CPNE8: variants seen among roughly 807,000 people sequenced by gnomAD.
CPNE8 encodes the protein copine-8.
Under a neutral mutation model 81.5 loss-of-function variants are expected in CPNE8, and 45 were observed. That is an observed-to-expected ratio of 0.55 (90% CI 0.44 to 0.71). CPNE8 has a LOEUF of 0.71. Among genes scored for constraint, CPNE8 ranks in the 30% least tolerant of loss-of-function variants. CPNE8 has a pLI of 0.00. For synonymous variants in CPNE8, 252 were observed against 226.3 expected (o/e 1.11, Z -1.02); for missense variants, 594 against 672.1 (o/e 0.88, Z 1.28).
At chr12:38,664,264 A>G (rs888858965) in intron 19 of CPNE8, among the ~76,000 whole-genome samples, 1 of 152,098 alleles carries the variant, frequency 6.6e-6, no homozygotes, top group Non-Finnish European at 1.5e-5. Context: ...ATAATAAAAT[A>G]AAAAGGATAA....
At chr12:38,833,029 T>G (rs1943314957) in intron 5 of CPNE8, among the ~76,000 whole-genome samples, 1 of 150,018 alleles carries the variant, frequency 6.7e-6, no homozygotes, top group Non-Finnish European at 1.5e-5. Flanking sequence ...TACATTTCTT[T>G]TCCCTCAGCA....
chr12:38,878,613 C>T (rs1565659413), intron 1 of CPNE8, among the ~76,000 whole-genome samples: 1 of 152,138 alleles, frequency 6.6e-6, no homozygotes, highest in African/African-American at 2.4e-5. Context: ...TACTGAGTAG[C>T]CAATATGAAT....
At chr12:38,808,613 GGA>G (rs1285441133) in intron 6 of CPNE8, among the ~76,000 whole-genome samples, 2 of 106,950 alleles carry the variant, frequency 1.9e-5, no homozygotes, top group African/African-American at 7.3e-5. Context: ...TGGGGTGGGG[GGA>G]GGGGGGAGGG....
Position 38,900,545 on chromosome 12 carries a change from C to A in CPNE8, c.98+4892G>T, listed in dbSNP as rs191959654. Among the ~76,000 whole-genome samples the A allele has an allele frequency of 1.2e-4, 18 of 152,264 alleles. No individual in the cohort carries two copies. The East Asian group carries it at 3.5e-3, about 29-fold the overall frequency. Reference sequence around the variant, plus strand: ...TGGTAATATACCTATGACACTGGCACACCTCAGCTACTTTGGGACTAATCC... The same window carrying A: ...TGGTAATATACCTATGACACTGGCAAACCTCAGCTACTTTGGGACTAATCC... On this transcript the variant is annotated intron_variant, in intron 1 of 19. Coordinates refer to ENST00000331366, the MANE Select transcript of CPNE8 (RefSeq NM_153634.3).
intron 18 of CPNE8, among the ~76,000 whole-genome samples, chr12:38,672,497 C>T (rs1192236044): frequency 6.6e-6 from 1 of 152,046 alleles, no homozygotes; most frequent in Non-Finnish European, 1.5e-5. Context: ...GATTATGAAC[C>T]CCAGTCTCCC....
intron 7 of CPNE8, among the ~76,000 whole-genome samples, chr12:38,768,927 T>C (rs1320844073): frequency 6.6e-6 from 1 of 152,218 alleles, no homozygotes; most frequent in African/African-American, 2.4e-5. Flanking sequence ...ATGTTAACAA[T>C]GTCTGAAAAA....
At chr12:38,864,573 G>A (rs1943889171) in intron 3 of CPNE8, among the ~76,000 whole-genome samples, 1 of 152,168 alleles carries the variant, frequency 6.6e-6, no homozygotes, top group Non-Finnish European at 1.5e-5. Flanking sequence ...AGTTATTTAT[G>A]ATAAAGGTGA....
At chr12:38,689,626 A>G (rs536641257) in intron 15 of CPNE8, among the ~76,000 whole-genome samples, 23 of 152,068 alleles carry the variant, frequency 1.5e-4, no homozygotes, top group African/African-American at 5.3e-4. Flanking sequence ...TGGCAAAAAA[A>G]TACATACACA....
intron 13 of CPNE8, among the ~76,000 whole-genome samples, chr12:38,712,386 T>C (rs1177831308): frequency 6.6e-6 from 1 of 151,994 alleles, no homozygotes; most frequent in Non-Finnish European, 1.5e-5. Flanking sequence ...TTATATTTTT[T>C]AGTTTTTATG....
At chr12:38,771,472 A>G (rs369072810) in intron 7 of CPNE8, among the ~76,000 whole-genome samples, 1 of 152,178 alleles carries the variant, frequency 6.6e-6, no homozygotes, top group East Asian at 1.9e-4. Flanking sequence ...TATTTAAAAA[A>G]AAAATACTGA....
intron 6 of CPNE8, among the ~76,000 whole-genome samples, chr12:38,808,787 A>G (rs145636448): frequency 6.9e-4 from 105 of 151,770 alleles, no homozygotes; most frequent in African/African-American, 2.3e-3. Flanking sequence ...AGACTATATA[A>G]AAAAATGCTT....
At chr12:38,834,631 G>A (rs527582664) in intron 5 of CPNE8, among the ~76,000 whole-genome samples, 3 of 152,160 alleles carry the variant, frequency 2.0e-5, no homozygotes, top group African/African-American at 7.2e-5. Flanking sequence ...TTCCAGTCTT[G>A]CTTCCTCAAC....
chr12:38,823,841 C>T (rs1375922196), intron 6 of CPNE8, among the ~76,000 whole-genome samples: 1 of 152,148 alleles, frequency 6.6e-6, no homozygotes, highest in African/African-American at 2.4e-5. Flanking sequence ...ACATACGACT[C>T]TTTGACAGCA....
At chr12:38,806,508 A>T (rs1403735510) in intron 6 of CPNE8, among the ~76,000 whole-genome samples, 4 of 150,322 alleles carry the variant, frequency 2.7e-5, no homozygotes, top group Non-Finnish European at 5.9e-5. Flanking sequence ...AAACCACATG[A>T]TTATCTCAAT....
chr12:38,730,519 T>C (rs1001873439), intron 10 of CPNE8, among the ~76,000 whole-genome samples, 161 bp from the exon 11 acceptor site: 5 of 151,760 alleles, frequency 3.3e-5, no homozygotes, highest in African/African-American at 9.7e-5. Flanking sequence ...TAATACATAA[T>C]TACATTGTTC....
chr12:38,797,344 G>C (rs1407007406), intron 6 of CPNE8, among the ~76,000 whole-genome samples: 1 of 152,132 alleles, frequency 6.6e-6, no homozygotes, highest in Non-Finnish European at 1.5e-5. Flanking sequence ...ACTCCTCTGA[G>C]ACAAAACTTC....
chr12:38,705,568 T>A (rs905520239), intron 13 of CPNE8, among the ~76,000 whole-genome samples: 2 of 152,148 alleles, frequency 1.3e-5, no homozygotes, highest in South Asian at 2.1e-4. Flanking sequence ...CCTAAGTGAG[T>A]ACAAACTTTT....
chr12:38,794,534 C>A (rs1297641162), intron 6 of CPNE8, among the ~76,000 whole-genome samples: 1 of 151,366 alleles, frequency 6.6e-6, no homozygotes, highest in Admixed American at 6.6e-5. Flanking sequence ...ATACAAATGG[C>A]CAAATACATA....
At chr12:38,681,866 T>C (rs1366903757) in intron 16 of CPNE8, among the ~76,000 whole-genome samples, 1 of 152,188 alleles carries the variant, frequency 6.6e-6, no homozygotes, top group Non-Finnish European at 1.5e-5. Context: ...ACTGATACAG[T>C]AGGTGTTAAT....
Sources: allele counts gnomAD v4.1 joint callset (sites outside exome capture counted in the v4.1 genomes callset), GRCh38; gene constraint gnomAD v4.1.1; transcripts MANE v1.5; gene names NCBI Gene and HGNC (gene_info 2026-07-23, HGNC 2026-07-21).